CLYBL: variants seen among roughly 807,000 people sequenced by gnomAD.
CLYBL encodes the protein citramalyl-CoA lyase.
In CLYBL, 31 loss-of-function variants were observed where a neutral mutation model predicts 38.9. That is an observed-to-expected ratio of 0.80 (90% confidence interval 0.60 to 1.08). The LOEUF (loss-of-function observed/expected upper bound fraction) is 1.08, where lower values mean the gene tolerates loss of function less well. CLYBL is among the 50% of genes least tolerant of loss of function. CLYBL has a pLI of 0.00. For synonymous variants in CLYBL, 171 were observed against 158.6 expected (o/e 1.08, Z -0.59); for missense variants, 434 against 411.6 (o/e 1.05, Z -0.47).
chr13:99,898,934 C>T (rs1206230184), downstream of CLYBL, among the ~76,000 whole-genome samples: 2 of 152,190 alleles, frequency 1.3e-5, no homozygotes, highest in South Asian at 2.1e-4. Flanking sequence ...CTGCTCTCGC[C>T]TCTCATCCCC....
chr13:99,866,976 C>G (rs2051764061), intron 6 of CLYBL, among the ~76,000 whole-genome samples: 1 of 152,168 alleles, frequency 6.6e-6, no homozygotes, highest in South Asian at 2.1e-4. Context: ...CAGCGGGTCC[C>G]TTGCAGTCCG....
chr13:99,739,124 A>G (rs1440624407), intron 1 of CLYBL, among the ~76,000 whole-genome samples: 1 of 152,234 alleles, frequency 6.6e-6, no homozygotes, highest in Non-Finnish European at 1.5e-5. Flanking sequence ...GCAGCCAATA[A>G]CAAGATGAAA....
At chr13:99,762,479 G>C (rs926607118) in intron 1 of CLYBL, among the ~76,000 whole-genome samples, 1 of 152,160 alleles carries the variant, frequency 6.6e-6, no homozygotes, top group Non-Finnish European at 1.5e-5. Flanking sequence ...TCATAAATGC[G>C]TGGATTTATA....
At position 99,858,937 on chromosome 13, in the gene CLYBL, A is replaced by C; in HGVS notation, c.326A>C (p.Asn109Thr). The change falls in exon 3 of 9, where the codon AAC (asparagine) becomes ACC (threonine). Residue 109 changes from asparagine to threonine, a missense_variant. Asn to Thr is a moderately conservative substitution (Grantham distance 65). Transcript: ENST00000339105. The stretch of plus-strand genomic sequence containing the variant: ...CCTACTGAAAAATGTGTGAGAGTCA[A>C]CTCAGTTTCCAGTGGTCTGGCGGAA... ...LGPTEKCVRV[N>T]SVSSGLAEED... 6.2e-7 allele frequency: 1 copy of C among 1,614,072 alleles called. No homozygotes were observed. The highest frequency in any genetic ancestry group is 8.5e-7 in the Non-Finnish European group (1 of 1,179,970).
chr13:99,833,889 A>T (rs1342138921), intron 2 of CLYBL, among the ~76,000 whole-genome samples: 2 of 151,374 alleles, frequency 1.3e-5, no homozygotes, highest in East Asian at 1.9e-4. Context: ...TTTAGTAGAG[A>T]TGGGGTTTCA....
chr13:99,608,391 GTCT>G (rs1415696969), intron 1 of CLYBL, among the ~76,000 whole-genome samples: 1 of 152,156 alleles, frequency 6.6e-6, no homozygotes, highest in Non-Finnish European at 1.5e-5. Flanking sequence ...AACTTCTTAC[GTCT>G]TCTTGCACTG....
At chr13:99,818,004 AAAGGAAGGAAGGAAGAG>A (rs1360687351) in intron 2 of CLYBL, among the ~76,000 whole-genome samples, 7 of 151,756 alleles carry the variant, frequency 4.6e-5, no homozygotes, top group Non-Finnish European at 7.4e-5. Context: ...ACTTGTCTCA[AAAGGAAGGAAGGAAGAG>A]AAGGAAGGAA....
chr13:99,833,631 C>T (rs2050868507), intron 2 of CLYBL, among the ~76,000 whole-genome samples: 1 of 150,258 alleles, frequency 6.7e-6, no homozygotes, highest in Admixed American at 6.6e-5. Context: ...GTATTTGGCA[C>T]TGCCAGAGCC....
At chr13:99,850,761 G>T (rs965771001) in intron 2 of CLYBL, among the ~76,000 whole-genome samples, 1 of 152,090 alleles carries the variant, frequency 6.6e-6, no homozygotes, top group Admixed American at 6.6e-5. Flanking sequence ...ATAACCAATT[G>T]TGAAACAATC....
intron 8 of CLYBL, among the ~76,000 whole-genome samples, chr13:99,903,613 C>T (rs2152138548): frequency 6.6e-6 from 1 of 152,244 alleles, no homozygotes; most frequent in Non-Finnish European, 1.5e-5. Context: ...TTTTGGATAA[C>T]TGGCTTAAAA....
intron 2 of CLYBL, among the ~76,000 whole-genome samples, chr13:99,834,594 A>G (rs1161712175): frequency 6.6e-6 from 1 of 152,126 alleles, no homozygotes; most frequent in Non-Finnish European, 1.5e-5. Flanking sequence ...ATCCTGGCAT[A>G]TGTAGCTCTG....
At chr13:99,896,850 A>T (rs2052587493), downstream of CLYBL, 1 of 152,204 alleles carries the variant, frequency 6.6e-6, no homozygotes, top group South Asian at 2.1e-4. Flanking sequence ...GAGAGTAAAG[A>T]TGTCGCCGAA....
intron 2 of CLYBL, among the ~76,000 whole-genome samples, chr13:99,816,389 G>A (rs549396478): frequency 6.6e-5 from 10 of 152,222 alleles, no homozygotes; most frequent in African/African-American, 2.4e-4. Context: ...CTCAATGACT[G>A]TGCCCTTACT....
rs2049069593 is a variant in CLYBL, at chr13:99,756,746, G to T, written c.63-16078G>T. 2.0e-5 allele frequency among the ~76,000 whole-genome samples: 3 copies of T among 152,234 alleles called. No individual in the cohort carries two copies. The South Asian group carries it at 6.2e-4, about 32-fold the overall frequency. On this transcript the variant is annotated intron_variant, in intron 1 of 8. Transcript: ENST00000339105. ...CTAAAGCTTCCCACATGATCATAATGTTCAGGCAAAGCAGAGATCCTTAAA... is the reference window on the plus strand; with the variant it reads ...CTAAAGCTTCCCACATGATCATAATTTTCAGGCAAAGCAGAGATCCTTAAA...
Position 99,737,714 on chromosome 13 carries a change from G to A in CLYBL, c.63-35110G>A, listed in dbSNP as rs551238901. Among the ~76,000 whole-genome samples the A allele has an allele frequency of 2.2e-4, 34 of 152,208 alleles. 2 individuals are homozygous for A. The South Asian group carries it at 5.4e-3, about 24-fold the overall frequency. On this transcript the variant is annotated intron_variant, in intron 1 of 8. Transcript: ENST00000339105. ...ACAGAACTGTCAAGAGTTAGGAATT[G>A]CGTCCTGGTCACCAGGTTCCTTGTT...
rs2047456080 is a variant in CLYBL, at chr13:99,664,737, C to T, written c.62+57980C>T. ...TATGTAAAATGGCTAGAAAACACAACACAAATTTGGAACGAAGAAGCTGTT... is the reference window on the plus strand; with the variant it reads ...TATGTAAAATGGCTAGAAAACACAATACAAATTTGGAACGAAGAAGCTGTT... On this transcript the variant is annotated intron_variant, in intron 1 of 8. Transcript: ENST00000339105. Among the ~76,000 whole-genome samples the T allele has an allele frequency of 2.0e-5, 3 of 152,078 alleles. No individual in the cohort carries two copies. The South Asian group carries it at 6.2e-4, about 31-fold the overall frequency.
intron 2 of CLYBL, among the ~76,000 whole-genome samples, chr13:99,815,794 T>G (rs1316575407): frequency 1.3e-5 from 2 of 152,142 alleles, no homozygotes; most frequent in African/African-American, 4.8e-5. Context: ...GGAGAGTCAC[T>G]TGAACCCAAG....
At chr13:99,721,264 C>T (rs1241826687) in intron 1 of CLYBL, among the ~76,000 whole-genome samples, 3 of 151,688 alleles carry the variant, frequency 2.0e-5, no homozygotes, top group East Asian at 1.9e-4. Context: ...AGGCTGATCT[C>T]GAACTTTGAC....
In CLYBL at chr13:99,863,037, A is replaced by C. The variant is rs1213158268; in HGVS notation, c.485A>C (p.Gln162Pro). Reference sequence around the variant, plus strand: ...CACTTAAAAGGCCGAAAACTTGAACAACCAATGAATTTAATCCCTTTTGTG... The same window carrying C: ...CACTTAAAAGGCCGAAAACTTGAACCACCAATGAATTTAATCCCTTTTGTG... ...SFHLKGRKLEQPMNLIPFVET... is the reference protein window; with the variant it reads ...SFHLKGRKLEPPMNLIPFVET... The change falls in exon 4 of 9, where the codon CAA becomes CCA. Residue 162 changes from glutamine (Q) to proline (P), a missense_variant. Physicochemically the swap from Gln to Pro is moderately conservative, Grantham distance 76 (BLOSUM62 -1). Coordinates refer to ENST00000339105, the MANE Select transcript of CLYBL (RefSeq NM_206808.5). 2.5e-6 allele frequency: 4 copies of C among 1,611,672 alleles called. No homozygotes were observed. Among genetic ancestry groups the C allele is most frequent in the Non-Finnish European group, 3.4e-6 (4 of 1,179,022 alleles).
Sources: allele counts gnomAD v4.1 joint callset (sites outside exome capture counted in the v4.1 genomes callset), GRCh38; gene constraint gnomAD v4.1.1; transcripts MANE v1.5; gene names NCBI Gene and HGNC (gene_info 2026-07-23, HGNC 2026-07-21).